NKAIN2: variants seen among roughly 807,000 people sequenced by gnomAD.
NKAIN2 encodes the protein sodium/potassium-transporting ATPase subunit beta-1-interacting protein 2.
A neutral mutation model predicts 32.6 loss-of-function variants in NKAIN2; 14 were observed. That is an observed-to-expected ratio of 0.43 (90% CI 0.28 to 0.67). The LOEUF (loss-of-function observed/expected upper bound fraction) is 0.67. Among genes scored for constraint, NKAIN2 ranks in the 30% least tolerant of loss-of-function variants. The pLI is 0.17. For missense variants in NKAIN2, 198 were observed against 258.3 expected (o/e 0.77, Z 1.60); for synonymous variants, 80 against 87.2 (o/e 0.92, Z 0.46).
intron 2 of NKAIN2, among the ~76,000 whole-genome samples, chr6:124,328,955 T>G (rs547116894): frequency 6.6e-6 from 1 of 152,338 alleles, no homozygotes; most frequent in East Asian, 1.9e-4. Flanking sequence ...ATGTCATCCC[T>G]TCTGGAAACA....
At position 124,459,323 on chromosome 6, in the gene NKAIN2, A is replaced by C. The variant is rs573827538; in HGVS notation, c.273+103976A>C. Among the ~76,000 whole-genome samples, 7 of 152,052 alleles carry C rather than the reference A, an allele frequency of 4.6e-5. No individual in the cohort carries two copies. The South Asian group carries it at 1.4e-3, about 31-fold the overall frequency. On this transcript the variant is annotated intron_variant, in intron 3 of 6. Transcript: ENST00000368417. ...GCTTACATATGTCCTCAAAAAGAGC[A>C]ACTTGCTGATGCATTGTAACATGAA... is the stretch of plus-strand genomic sequence containing the variant.
chr6:124,320,656 ATGTT>A (rs1383281271), intron 2 of NKAIN2, among the ~76,000 whole-genome samples: 1 of 152,170 alleles, frequency 6.6e-6, no homozygotes, highest in African/African-American at 2.4e-5. Context: ...GGCTCAATAA[ATGTT>A]TGTTATGAGA....
intron 1 of NKAIN2, among the ~76,000 whole-genome samples, chr6:124,022,521 AG>A (rs1780912945): frequency 6.6e-6 from 1 of 152,204 alleles, no homozygotes; most frequent in Non-Finnish European, 1.5e-5. Flanking sequence ...ACAGTGTAAA[AG>A]TGTTCCTATT....
chr6:124,529,224 A>G (rs1055082209), intron 3 of NKAIN2, among the ~76,000 whole-genome samples: 1 of 152,170 alleles, frequency 6.6e-6, no homozygotes, highest in Non-Finnish European at 1.5e-5. Flanking sequence ...TCAAACTAAG[A>G]TGAGCAACCA....
At chr6:123,922,882 G>A (rs1164531452) in intron 1 of NKAIN2, among the ~76,000 whole-genome samples, 1 of 152,178 alleles carries the variant, frequency 6.6e-6, no homozygotes, top group African/African-American at 2.4e-5. Context: ...GAAAGTTACT[G>A]TGCTGTCATT....
At chr6:124,315,910 T>A (rs576601465) in intron 2 of NKAIN2, among the ~76,000 whole-genome samples, 2 of 152,110 alleles carry the variant, frequency 1.3e-5, no homozygotes, top group Non-Finnish European at 2.9e-5. Flanking sequence ...AGAGAATTGA[T>A]GGGTCAAGTT....
At chr6:124,396,714 T>G (rs1264637295) in intron 3 of NKAIN2, among the ~76,000 whole-genome samples, 2 of 152,162 alleles carry the variant, frequency 1.3e-5, no homozygotes, top group African/African-American at 4.8e-5. Context: ...CTATTACAGA[T>G]ATTGTTGAAT....
In NKAIN2 at chr6:124,614,261, G is replaced by C. The variant is rs1478834797; in HGVS notation, c.274-43925G>C. Among the ~76,000 whole-genome samples the C allele has an allele frequency of 2.0e-5, 3 of 152,254 alleles. No individual in the cohort carries two copies. In the East Asian group the frequency reaches 5.8e-4, roughly 29 times the overall value. On this transcript the variant is annotated intron_variant, in intron 3 of 6. Transcript: ENST00000368417. Reference sequence around the variant, plus strand: ...ATACAAAAATTAGCCTGGCGTGGTGGCACGTGCCTGTAATCCTAGCTACTG... The same window carrying C: ...ATACAAAAATTAGCCTGGCGTGGTGCCACGTGCCTGTAATCCTAGCTACTG...
chr6:124,227,116 C>A (rs1037242258), intron 1 of NKAIN2, among the ~76,000 whole-genome samples: 2 of 146,514 alleles, frequency 1.4e-5, no homozygotes, highest in South Asian at 2.2e-4. Flanking sequence ...GTTACTAATA[C>A]TCTGAATCTA....
rs368055486 is a variant in NKAIN2, at chr6:124,357,033, A to C, written c.273+1686A>C. ...CATGATGACTGCAGGCACAGAATAAAGCTGGTGATTTCATGACCTCAGACA... is the reference window on the plus strand; with the variant it reads ...CATGATGACTGCAGGCACAGAATAACGCTGGTGATTTCATGACCTCAGACA... On this transcript the variant is annotated intron_variant, in intron 3 of 6. Transcript: ENST00000368417. 2.0e-5 allele frequency among the ~76,000 whole-genome samples: 3 copies of C among 152,282 alleles called. No individual in the cohort carries two copies. In the South Asian group the frequency reaches 6.2e-4, roughly 32 times the overall value.
intron 1 of NKAIN2, among the ~76,000 whole-genome samples, chr6:124,264,443 T>C (rs1009284): frequency 6.6e-6 from 1 of 152,192 alleles, no homozygotes. Flanking sequence ...CTTTATACAG[T>C]TCTAAATTTT....
chr6:123,970,839 G>C (rs537476658), intron 1 of NKAIN2, among the ~76,000 whole-genome samples: 6 of 151,996 alleles, frequency 3.9e-5, no homozygotes, highest in Non-Finnish European at 2.9e-5. Context: ...CTGAGATCGC[G>C]CCACTGCACT....
At chr6:124,701,241 G>A (rs998381834) in intron 4 of NKAIN2, among the ~76,000 whole-genome samples, 1 of 151,464 alleles carries the variant, frequency 6.6e-6, no homozygotes, top group South Asian at 2.1e-4. Flanking sequence ...TTTTTATAAT[G>A]TTTTACCTTC....
At chr6:124,270,047 A>C (rs1344769729) in intron 1 of NKAIN2, among the ~76,000 whole-genome samples, 2 of 152,182 alleles carry the variant, frequency 1.3e-5, no homozygotes, top group Non-Finnish European at 2.9e-5. Context: ...TGAGGAAGGA[A>C]AGAGCAGATG....
intron 5 of NKAIN2, chr6:124,804,448 CT>C: frequency 1.1e-6 from 1 of 925,248 alleles, no homozygotes; most frequent in Non-Finnish European, 1.3e-6. Context: ...TTGCTTTTCA[CT>C]TTCATTGTTT....
At chr6:124,476,849 G>A (rs1300288775) in intron 3 of NKAIN2, among the ~76,000 whole-genome samples, 6 of 152,086 alleles carry the variant, frequency 3.9e-5, no homozygotes, top group Non-Finnish European at 5.9e-5. Flanking sequence ...AGGTCCCACA[G>A]CATATGAAAG....
At chr6:124,632,546 C>T (rs1188862477) in intron 3 of NKAIN2, among the ~76,000 whole-genome samples, 1 of 152,150 alleles carries the variant, frequency 6.6e-6, no homozygotes, top group East Asian at 1.9e-4. Flanking sequence ...ATACCCCCTC[C>T]TCTTAAAAGT....
chr6:124,057,774 C>G (rs1284764439), intron 1 of NKAIN2, among the ~76,000 whole-genome samples: 1 of 151,756 alleles, frequency 6.6e-6, no homozygotes, highest in Admixed American at 6.6e-5. Flanking sequence ...ACCAGTGTTC[C>G]AGGACTTCAT....
intron 5 of NKAIN2, among the ~76,000 whole-genome samples, chr6:124,800,093 G>A (rs986645322): frequency 9.2e-5 from 14 of 152,182 alleles, no homozygotes; most frequent in Non-Finnish European, 2.1e-4. Context: ...GGAAAATGAA[G>A]TCTCTTTAAA....
Sources: allele counts gnomAD v4.1 joint callset (sites outside exome capture counted in the v4.1 genomes callset), GRCh38; gene constraint gnomAD v4.1.1; transcripts MANE v1.5; gene names NCBI Gene and HGNC (gene_info 2026-07-23, HGNC 2026-07-21).